Variants in CLIP2 observed in about 807,000 individuals in gnomAD.
The protein encoded by CLIP2 is CAP-Gly domain-containing linker protein 2.
A neutral mutation model predicts 111.7 loss-of-function variants in CLIP2; 41 were observed. The observed-to-expected ratio is 0.37, with a 90% CI of 0.29 to 0.48. CLIP2 has a LOEUF of 0.48. Among genes scored for constraint, CLIP2 ranks in the 20% least tolerant of loss-of-function variants. CLIP2 has a pLI of 0.99. For missense variants in CLIP2, 1,160 were observed against 1,422.1 expected (o/e 0.82, Z 2.96); for synonymous variants, 660 against 644.2 (o/e 1.02, Z -0.37).
At chr7:74,306,657 C>T (rs991334278) in intron 1 of CLIP2, among the ~76,000 whole-genome samples, 39 of 152,120 alleles carry the variant, frequency 2.6e-4, no homozygotes, top group Admixed American at 2.0e-4. Flanking sequence ...GAAACGGCAT[C>T]GGAGGGTGGC....
chr7:74,309,870 G>A (rs539902268), intron 1 of CLIP2, among the ~76,000 whole-genome samples: 1 of 149,458 alleles, frequency 6.7e-6, no homozygotes, highest in South Asian at 2.1e-4. Context: ...CATATCAGTA[G>A]TTCTTTATTG....
chr7:74,401,585 C>A lies in CLIP2; in HGVS notation c.3129+18C>A. The A allele has an allele frequency of 6.2e-7, 1 of 1,612,146 alleles. No individual in the cohort carries two copies. The highest frequency in any genetic ancestry group is 8.5e-7 in the Non-Finnish European group (1 of 1,178,912). ...AACAAGAGGTGAGGGGCGCCTCGGG[C>A]CTCCCAGGTCCCTCCCGTGCAGGCA... On this transcript the variant is annotated intron_variant, in intron 16 of 16. Transcript: ENST00000223398.
chr7:74,317,348 T>G, intron 1 of CLIP2, 132 bp from the exon 2 acceptor site: 5 of 515,110 alleles, frequency 9.7e-6, no homozygotes, highest in Non-Finnish European at 1.5e-5. Context: ...ACGGGAGCAG[T>G]GAGCTGATAG....
chr7:74,319,498 ACT>A (rs1260729853), intron 2 of CLIP2, among the ~76,000 whole-genome samples: 5 of 151,670 alleles, frequency 3.3e-5, no homozygotes, highest in Admixed American at 6.6e-5. Context: ...ACAGAACAAG[ACT>A]CTGTCAAAAA....
At chr7:74,400,973 T>C (rs1554317507) in intron 15 of CLIP2, among the ~76,000 whole-genome samples, 1 of 151,562 alleles carries the variant, frequency 6.6e-6, no homozygotes, top group African/African-American at 2.4e-5. Flanking sequence ...GAGGCATTTC[T>C]GTCCTAGGAA....
At chr7:74,330,457 A>G (rs1444546277) in intron 2 of CLIP2, among the ~76,000 whole-genome samples, 1 of 151,722 alleles carries the variant, frequency 6.6e-6, no homozygotes, top group African/African-American at 2.4e-5. Flanking sequence ...GGGTTTCGCC[A>G]TGTTGGCCAG....
chr7:74,393,724 C>G (rs1791360249), intron 13 of CLIP2, among the ~76,000 whole-genome samples: 1 of 152,200 alleles, frequency 6.6e-6, no homozygotes, highest in African/African-American at 2.4e-5. Flanking sequence ...TCCTTTCCTT[C>G]TATACAGATT....
At chr7:74,387,705 G>A (rs1791154249) in intron 12 of CLIP2, among the ~76,000 whole-genome samples, 1 of 152,184 alleles carries the variant, frequency 6.6e-6, no homozygotes, top group Non-Finnish European at 1.5e-5. Context: ...ACTCCTCCAA[G>A]GCCAAGGTGA....
chr7:74,382,614 T>C (rs534983160), intron 11 of CLIP2, among the ~76,000 whole-genome samples: 10 of 151,900 alleles, frequency 6.6e-5, no homozygotes, highest in Admixed American at 1.3e-4. Context: ...GCCCGGCTTC[T>C]ATTTGCATTT....
At chr7:74,352,178 G>A (rs1256030831) in intron 3 of CLIP2, among the ~76,000 whole-genome samples, 2 of 152,100 alleles carry the variant, frequency 1.3e-5, no homozygotes, top group African/African-American at 4.8e-5. Context: ...GCTCACACCT[G>A]TATCCCAGCA....
Position 74,333,989 on chromosome 7 carries a change from A to G in CLIP2, c.122-4459A>G, listed in dbSNP as rs552174472. On this transcript the variant is annotated intron_variant, in intron 2 of 16. Coordinates refer to ENST00000223398, the MANE Select transcript of CLIP2 (RefSeq NM_003388.5). ...AGGTTTCAAAAACTCCATCGTATAT[A>G]CATTGGCTCCCCTGGGAGGAGACGT... 3.9e-5 allele frequency among the ~76,000 whole-genome samples: 6 copies of G among 152,338 alleles called. No homozygotes were observed. The South Asian group carries it at 1.2e-3, about 32-fold the overall frequency.
intron 11 of CLIP2, 186 bp from the exon 12 acceptor site, chr7:74,386,335 C>T (rs1207728047): frequency 3.2e-5 from 16 of 497,970 alleles, no homozygotes; most frequent in African/African-American, 8.4e-5. Context: ...CCACCACGCC[C>T]GGCCAGTGTC....
intron 2 of CLIP2, among the ~76,000 whole-genome samples, chr7:74,330,908 CAT>C (rs1181440205): frequency 1.3e-5 from 2 of 151,576 alleles, no homozygotes; most frequent in Non-Finnish European, 2.9e-5. Flanking sequence ...TCTTTTAAAA[CAT>C]ATTAAGATTT....
rs782762504 is a variant in CLIP2 at position 74,338,474 on chromosome 7, G to A, written c.148G>A (p.Gly50Arg). 16 of 1,612,760 alleles carry A rather than the reference G, an allele frequency of 9.9e-6. No homozygotes were observed. The highest frequency in any genetic ancestry group is 1.4e-5 in the Non-Finnish European group (16 of 1,179,832). The change falls in exon 3 of 17, where the codon GGA (glycine) becomes AGA (arginine). Residue 50 changes from glycine to arginine, a missense_variant. By Grantham distance (125) the Gly-to-Arg change is moderately radical. This residue lies in a region of CLIP2 where 301 missense variants were observed against 315.2 expected (regional missense o/e 0.96). Transcript: ENST00000223398. The surrounding 1 kb of genome is among the most constrained non-coding windows in gnomAD (Gnocchi z 4.3). ...EGSPLHKQSS[G>R]PSSSPAAAAA... ...CTCCCCACTGCACAAACAGTCATCTGGACCCTCCTCCTCCCCGGCCGCAGC... is the reference window on the plus strand; with the variant it reads ...CTCCCCACTGCACAAACAGTCATCTAGACCCTCCTCCTCCCCGGCCGCAGC...
intron 8 of CLIP2, among the ~76,000 whole-genome samples, chr7:74,365,532 G>C (rs1378934072): frequency 6.6e-6 from 1 of 152,210 alleles, no homozygotes; most frequent in Non-Finnish European, 1.5e-5. Context: ...TTGGTCCCAG[G>C]GATAGCCAAT....
intron 3 of CLIP2, among the ~76,000 whole-genome samples, chr7:74,339,794 AC>A (rs782318755): frequency 1.3e-5 from 2 of 151,804 alleles, no homozygotes; most frequent in African/African-American, 2.4e-5. Context: ...AGTTCTCAAG[AC>A]CCCTGGTCCT....
chr7:74,322,954 C>G (rs982493614), intron 2 of CLIP2, among the ~76,000 whole-genome samples: 1 of 152,012 alleles, frequency 6.6e-6, no homozygotes, highest in Non-Finnish European at 1.5e-5. Context: ...TGGTCTTGAT[C>G]TTCTGACCTT....
intron 11 of CLIP2, among the ~76,000 whole-genome samples, chr7:74,383,080 CAAAAA>C (rs556644763): frequency 1.1e-4 from 7 of 61,228 alleles, no homozygotes; most frequent in Admixed American, 1.8e-4. Flanking sequence ...ACCCTGTCAC[CAAAAA>C]AAAAAAAAAA....
intron 10 of CLIP2, chr7:74,380,082 G>A (rs1255283939): frequency 6.6e-6 from 1 of 152,130 alleles, no homozygotes. Context: ...AAGTATGAGG[G>A]GCAGGATGAT....
Sources: gnomAD v4.1 joint callset for allele counts (sites outside exome capture counted in the v4.1 genomes callset) on GRCh38, gnomAD v4.1.1 for gene constraint, gnomAD v4.1.1 regional missense constraint, Gnocchi (gnomAD v3.1) non-coding constraint, MANE v1.5 for transcripts, NCBI Gene and HGNC (gene_info 2026-07-23, HGNC 2026-07-21) for gene names.